The following DCC variants were observed in gnomAD, a reference collection of about 807,000 sequenced individuals.
DCC encodes the protein netrin receptor DCC.
A neutral mutation model predicts 172.5 loss-of-function variants in DCC; 58 were observed. That is an observed-to-expected ratio of 0.34 (90% CI 0.27 to 0.42). DCC has a LOEUF of 0.42. Among genes scored for constraint, DCC ranks in the 10% least tolerant of loss-of-function variants. DCC has a pLI of 1.00. For missense variants in DCC, 1,740 were observed against 1,791.0 expected, an observed-to-expected ratio of 0.97 and a Z score of 0.51; for synonymous variants, 709 against 644.5, an observed-to-expected ratio of 1.10 and a Z score of -1.52.
At chr18:53,333,254 C>G (rs2057552182) in intron 14 of DCC, among the ~76,000 whole-genome samples, 1 of 152,052 alleles carries the variant, frequency 6.6e-6, no homozygotes, top group Non-Finnish European at 1.5e-5. Context: ...CAGGCCCTGT[C>G]TATAGAAATG....
At chr18:52,907,990 A>T (rs1301183875) in intron 3 of DCC, among the ~76,000 whole-genome samples, 1 of 152,208 alleles carries the variant, frequency 6.6e-6, no homozygotes, top group Admixed American at 6.5e-5. Flanking sequence ...TTAGAATCTC[A>T]TGTAATGCCT....
At chr18:53,408,792 G>A (rs1038689052) in intron 19 of DCC, among the ~76,000 whole-genome samples, 1 of 152,122 alleles carries the variant, frequency 6.6e-6, no homozygotes, top group Admixed American at 6.6e-5. Context: ...CCAAACCTAG[G>A]GGAAAGGTGA....
chr18:52,608,151 A>G (rs2144831078), intron 1 of DCC, among the ~76,000 whole-genome samples: 1 of 152,072 alleles, frequency 6.6e-6, no homozygotes, highest in African/African-American at 2.4e-5. Context: ...GTGTCTGTGT[A>G]TCACTTACCA....
chr18:53,267,770 A>G (rs1009338196), intron 12 of DCC, among the ~76,000 whole-genome samples: 1 of 152,136 alleles, frequency 6.6e-6, no homozygotes, highest in African/African-American at 2.4e-5. Flanking sequence ...CCGGCCACAT[A>G]TTCGTTATTG....
intron 2 of DCC, among the ~76,000 whole-genome samples, chr18:52,774,896 C>T (rs903908431): frequency 6.6e-6 from 1 of 152,198 alleles, no homozygotes; most frequent in African/African-American, 2.4e-5. Context: ...AGTAACATTG[C>T]TGTAGCCTGT....
At chr18:53,018,441 G>A (rs2041837445) in intron 5 of DCC, among the ~76,000 whole-genome samples, 1 of 152,086 alleles carries the variant, frequency 6.6e-6, no homozygotes, top group East Asian at 1.9e-4. Flanking sequence ...GTGCAAAAGT[G>A]TTTACATATT....
chr18:52,390,358 G>A (rs1194313880), intron 1 of DCC, among the ~76,000 whole-genome samples: 1 of 152,044 alleles, frequency 6.6e-6, no homozygotes, highest in Non-Finnish European at 1.5e-5. Context: ...CGTCTGGTGA[G>A]CACACCAGGA....
intron 12 of DCC, among the ~76,000 whole-genome samples, chr18:53,268,377 C>T (rs542458682): frequency 6.6e-6 from 1 of 151,976 alleles, no homozygotes; most frequent in Non-Finnish European, 1.5e-5. Flanking sequence ...GGAAATTATG[C>T]TTTTTCACAA....
intron 1 of DCC, among the ~76,000 whole-genome samples, chr18:52,426,651 A>G: frequency 9.4e-6 from 1 of 105,890 alleles, no homozygotes; most frequent in Admixed American, 1.2e-4. Context: ...CTGAGAAGAG[A>G]ATTAATTCTG....
chr18:52,429,556 C>T (rs780705422), intron 1 of DCC, among the ~76,000 whole-genome samples: 1 of 152,010 alleles, frequency 6.6e-6, no homozygotes, highest in East Asian at 1.9e-4. Flanking sequence ...TTGTCATGGG[C>T]CCCTTTGATT....
chr18:53,100,902 A>G (rs1331438453), intron 7 of DCC, among the ~76,000 whole-genome samples: 1 of 152,202 alleles, frequency 6.6e-6, no homozygotes, highest in Non-Finnish European at 1.5e-5. Flanking sequence ...CATCTGAAAG[A>G]TAACCACACA....
chr18:52,511,358 T>C (rs534832852), intron 1 of DCC, among the ~76,000 whole-genome samples: 5 of 151,712 alleles, frequency 3.3e-5, no homozygotes, highest in Admixed American at 1.3e-4. Context: ...ATTATGTAGA[T>C]AAAAGCTCTG....
intron 1 of DCC, among the ~76,000 whole-genome samples, chr18:52,457,159 A>G (rs1470160998): frequency 1.3e-5 from 2 of 152,168 alleles, no homozygotes; most frequent in Non-Finnish European, 2.9e-5. Flanking sequence ...TTCATCAATG[A>G]AATCTTTGAT....
intron 1 of DCC, among the ~76,000 whole-genome samples, chr18:52,454,048 C>T (rs1010307792): frequency 4.6e-5 from 7 of 152,128 alleles, no homozygotes; most frequent in Non-Finnish European, 7.4e-5. Context: ...ATGCTTCAAA[C>T]GTGATATACC....
chr18:53,364,479 C>G (rs2057980388), intron 15 of DCC, among the ~76,000 whole-genome samples: 1 of 151,830 alleles, frequency 6.6e-6, no homozygotes, highest in African/African-American at 2.4e-5. Flanking sequence ...GAAGTATGAT[C>G]AGAGAGAGAA....
intron 2 of DCC, among the ~76,000 whole-genome samples, chr18:52,789,480 A>G (rs761727567): frequency 5.3e-5 from 8 of 152,300 alleles, no homozygotes; most frequent in Non-Finnish European, 1.0e-4. Context: ...TAGAACTTGG[A>G]TATCTGCTTT....
chr18:52,621,206 C>T (rs1410735052), intron 1 of DCC, among the ~76,000 whole-genome samples: 1 of 152,204 alleles, frequency 6.6e-6, no homozygotes, highest in Non-Finnish European at 1.5e-5. Context: ...GGTCCAAATG[C>T]TGAAAATTCA....
At chr18:52,377,655 C>T (rs1598874808) in intron 1 of DCC, among the ~76,000 whole-genome samples, 1 of 142,982 alleles carries the variant, frequency 7.0e-6, no homozygotes, top group Non-Finnish European at 1.5e-5. Flanking sequence ...ATAGGAACTG[C>T]AAAAATCAAA....
intron 9 of DCC, among the ~76,000 whole-genome samples, chr18:53,195,025 C>G (rs1328790275): frequency 2.0e-5 from 3 of 152,074 alleles, no homozygotes; most frequent in Admixed American, 6.6e-5. Flanking sequence ...CTTGCTTTTT[C>G]ATATAATCTC....
Sources: gnomAD v4.1 joint callset for allele counts (sites outside exome capture counted in the v4.1 genomes callset) on GRCh38, gnomAD v4.1.1 for gene constraint, MANE v1.5 for transcripts, NCBI Gene and HGNC (gene_info 2026-07-23, HGNC 2026-07-21) for gene names.